The following GYPB variants were observed in gnomAD, a reference collection of about 807,000 sequenced individuals.
GYPB encodes glycophorin B (MNS blood group).
A neutral mutation model predicts 15.3 loss-of-function variants in GYPB; 13 were observed. The observed-to-expected ratio is 0.85, with a 90% confidence interval of 0.55 to 1.35. The LOEUF is 1.35. GYPB is among the 40% of genes most tolerant of loss of function. The probability of loss-of-function intolerance (pLI) is 0.00; values close to 1 mark genes in which losing one functional copy is unlikely to be tolerated. For synonymous variants in GYPB, 38 were observed against 36.9 expected (o/e 1.03, Z -0.11); for missense variants, 131 against 108.3 (o/e 1.21, Z -0.93).
chr4:144,002,780 A>G (rs926160442), intron 1 of GYPB: 8 of 859,792 alleles, frequency 9.3e-6, no homozygotes, highest in African/African-American at 7.2e-5. Flanking sequence ...ACCTTTCTCT[A>G]TTTATCAGCT....
intron 3 of GYPB, 155 bp downstream of exon 3, chr4:143,999,254 AAG>A (rs1216281193): frequency 7.1e-6 from 4 of 566,552 alleles, no homozygotes; most frequent in South Asian, 4.2e-5. Flanking sequence ...TAATTTTAAA[AAG>A]AGAATATTTT....
At position 144,000,536 on chromosome 4, in the gene GYPB, G is replaced by A. The variant is rs1459965651; in HGVS notation, c.136+649C>T. 1.2e-5 allele frequency: 5 copies of A among 409,340 alleles called. No homozygotes were observed. The East Asian group carries it at 3.3e-4, about 27-fold the overall frequency. 25.4% of individuals were successfully genotyped at this position (409,340 alleles called of 1,614,324 possible). A position where few individuals can be genotyped will look rare whatever the true frequency, so the allele number is the denominator to read the frequency against. On this transcript the variant is annotated intron_variant, in intron 2 of 4. Coordinates refer to ENST00000502664, the MANE Select transcript of GYPB (RefSeq NM_002100.6). Reference sequence around the variant, plus strand: ...TGAGGTGACTGCGTGGACATACAGCGTATCATGAAAGACAAATTCTCCCAC... The same window carrying A: ...TGAGGTGACTGCGTGGACATACAGCATATCATGAAAGACAAATTCTCCCAC...
At chr4:144,003,399 A>G (rs1381121249) in intron 1 of GYPB, among the ~76,000 whole-genome samples, 1 of 151,286 alleles carries the variant, frequency 6.6e-6, no homozygotes, top group Admixed American at 6.6e-5. Context: ...TTCTGCTCAC[A>G]GAAGGTCCTT....
At chr4:144,002,288 T>C (rs1471351799) in intron 1 of GYPB, among the ~76,000 whole-genome samples, 1 of 151,456 alleles carries the variant, frequency 6.6e-6, no homozygotes, top group Non-Finnish European at 1.5e-5. Flanking sequence ...CCATCTGAAC[T>C]TTTAGTTGTT....
At chr4:144,013,564 T>A (rs376088939) in intron 1 of GYPB, among the ~76,000 whole-genome samples, 5 of 151,008 alleles carry the variant, frequency 3.3e-5, no homozygotes, top group East Asian at 3.9e-4. Context: ...TGTGGCACAT[T>A]TACACCATGG....
At chr4:143,999,696 A>G (rs1178214579) in intron 2 of GYPB, among the ~76,000 whole-genome samples, 24 of 151,482 alleles carry the variant, frequency 1.6e-4, no homozygotes, top group Admixed American at 1.5e-3. Context: ...AAATTGTCTC[A>G]TAACTGAGGG....
downstream of GYPB, chr4:143,996,056 C>T: frequency 1.7e-6 from 2 of 1,149,270 alleles, no homozygotes; most frequent in Non-Finnish European, 2.4e-6. Flanking sequence ...ATGGGCTTTA[C>T]ATTTTAAACA....
intron 1 of GYPB, among the ~76,000 whole-genome samples, chr4:144,018,634 A>G (rs563781560): frequency 6.6e-6 from 1 of 151,540 alleles, no homozygotes; most frequent in East Asian, 1.9e-4. Context: ...AAATTATTGA[A>G]TTAATACAAT....
intron 1 of GYPB, among the ~76,000 whole-genome samples, chr4:144,010,682 G>T (rs865998138): frequency 6.6e-6 from 1 of 151,244 alleles, no homozygotes; most frequent in African/African-American, 2.5e-5. Context: ...ATACCTGGCT[G>T]CCAGATCAAT....
At chr4:144,004,800 C>A (rs1351349801) in intron 1 of GYPB, among the ~76,000 whole-genome samples, 2 of 151,876 alleles carry the variant, frequency 1.3e-5, no homozygotes, top group East Asian at 1.9e-4. Context: ...AGACCCTAAC[C>A]AGCTAATAGA....
chr4:144,011,054 G>A lies in GYPB; in HGVS notation c.37+8197C>T, dbSNP rs544176803. The stretch of plus-strand genomic sequence containing the variant: ...GAATGCATATGGATTATGGTTTTGT[G>A]TTAAAAGACAGAAACTTTTAGATTG... On this transcript the variant is annotated intron_variant, in intron 1 of 4. Transcript: ENST00000502664. Among the ~76,000 whole-genome samples the A allele has an allele frequency of 1.8e-4, 27 of 151,694 alleles. 2 individuals carry two copies. The highest frequency in any genetic ancestry group is 8.3e-4 in the South Asian group (4 of 4,828).
intron 1 of GYPB, among the ~76,000 whole-genome samples, chr4:144,010,487 A>G (rs1460346770): frequency 6.6e-6 from 1 of 150,962 alleles, no homozygotes; most frequent in Non-Finnish European, 1.5e-5. Context: ...ATTAAGTTGT[A>G]TAAAATGGAG....
intron 1 of GYPB, among the ~76,000 whole-genome samples, chr4:144,003,009 G>T (rs1351468558): frequency 6.6e-6 from 1 of 151,266 alleles, no homozygotes; most frequent in Non-Finnish European, 1.5e-5. Flanking sequence ...CAGCACTCAG[G>T]TATAATGGCT....
chr4:144,002,775 T>C (rs1178592987), intron 1 of GYPB: 17 of 920,162 alleles, frequency 1.8e-5, no homozygotes, highest in Admixed American at 1.4e-4. Flanking sequence ...CTAAAACCTT[T>C]CTCTATTTAT....
intron 1 of GYPB, among the ~76,000 whole-genome samples, chr4:144,014,953 A>G (rs2149969884): frequency 6.6e-6 from 1 of 151,608 alleles, no homozygotes; most frequent in Middle Eastern, 3.4e-3. Flanking sequence ...AAAGTTGATT[A>G]AATAGCTGTT....
intron 4 of GYPB, among the ~76,000 whole-genome samples, chr4:143,997,030 CT>C (rs1318988720): frequency 7.9e-5 from 12 of 150,992 alleles, no homozygotes; most frequent in African/African-American, 3.0e-4. Context: ...CTTCAGCCCC[CT>C]GAATAGCTGA....
intron 1 of GYPB, among the ~76,000 whole-genome samples, chr4:144,006,237 A>G (rs1347482682): frequency 6.6e-6 from 1 of 151,956 alleles, no homozygotes; most frequent in African/African-American, 2.4e-5. Flanking sequence ...AAAATGAAAT[A>G]TTCAAAATTT....
chr4:143,998,581 A>G (rs1218716664), intron 3 of GYPB, among the ~76,000 whole-genome samples: 1 of 141,174 alleles, frequency 7.1e-6, no homozygotes, highest in Non-Finnish European at 1.5e-5. Flanking sequence ...AGAATAGCAA[A>G]TGAGCACACA....
intron 1 of GYPB, among the ~76,000 whole-genome samples, chr4:144,011,876 T>A (rs1319152441): frequency 1.3e-5 from 2 of 151,310 alleles, no homozygotes; most frequent in Non-Finnish European, 3.0e-5. Context: ...AGAACTTTTG[T>A]GGTCTTTTTC....
Sources: allele counts gnomAD v4.1 joint callset (sites outside exome capture counted in the v4.1 genomes callset), GRCh38; gene constraint gnomAD v4.1.1; transcripts MANE v1.5; gene names NCBI Gene and HGNC (gene_info 2026-07-23, HGNC 2026-07-21).